GCC2: variants seen among roughly 807,000 people sequenced by gnomAD.
GCC2 encodes the protein GRIP and coiled-coil domain containing 2, also known as GRIP and coiled-coil domain-containing protein 2.
A neutral mutation model predicts 210.6 loss-of-function variants in GCC2; 120 were observed. The observed-to-expected ratio is 0.57, with a 90% CI of 0.49 to 0.66. The LOEUF is 0.66. Among genes scored for constraint, GCC2 ranks in the 30% least tolerant of loss-of-function variants. The pLI is 0.00. For synonymous variants in GCC2, 703 were observed against 652.7 expected (o/e 1.08, Z -1.17); for missense variants, 1,868 against 1,871.9 (o/e 1.00, Z 0.04).
intron 4 of GCC2, 26 bp from the exon 5 acceptor site, chr2:108,468,954 G>A: frequency 6.8e-7 from 1 of 1,473,620 alleles, no homozygotes; most frequent in Non-Finnish European, 9.5e-7. Context: ...TTTAACCCCA[G>A]GCAAATAAAT....
Position 108,481,819 on chromosome 2 carries a change from A to G in GCC2, c.3180+3A>G, listed in dbSNP as rs1339725523. On this transcript the variant is annotated splice_donor_region_variant and intron_variant, in intron 10 of 22. Coordinates refer to ENST00000309863, the MANE Select transcript of GCC2 (RefSeq NM_181453.4). ...AATTAAGAAATTCGACTTTGCAGGT[A>G]ATTTTTTAATAAATCCAAAAATGAA... 3 of 1,548,498 alleles carry G rather than the reference A, an allele frequency of 1.9e-6. No individual in the cohort carries two copies. Among genetic ancestry groups the G allele is most frequent in the Non-Finnish European group, 2.6e-6 (3 of 1,149,592 alleles).
Position 108,507,625 on chromosome 2 carries a change from C to T in GCC2, c.5050C>T (p.Arg1684Ter), listed in dbSNP as rs185024170. The T allele has an allele frequency of 3.8e-5, 60 of 1,575,356 alleles. No homozygotes were observed. In the African/African-American group the frequency reaches 4.4e-4, roughly 11 times the overall value. ...CTATCTTCATAGTTGGTCTGGACTT[C>T]GATAGGTTGATGGAAGGAATATTTT... ...ASYLHSWSGL[R>*] The change falls in exon 23 of 23, where the codon CGA becomes TGA. Residue 1684 changes from arginine (R) to a stop codon, truncating the protein, a stop_gained. Coordinates refer to ENST00000309863, the MANE Select transcript of GCC2 (RefSeq NM_181453.4). LOFTEE classifies it high-confidence loss of function.
Position 108,451,117 on chromosome 2 carries a change from T to C in GCC2, c.148+5T>C. The C allele has an allele frequency of 6.4e-7, 1 of 1,569,186 alleles. No homozygotes were observed. The highest frequency in any genetic ancestry group is 1.1e-5 in the South Asian group (1 of 88,894). On this transcript the variant is annotated splice_donor_5th_base_variant and intron_variant, in intron 3 of 22. Transcript: ENST00000309863. ...AAGCTAAATCAAGGTGTACAGGTAT[T>C]GGGTTGAAAATACTCATCTTGATCA...
intron 22 of GCC2, among the ~76,000 whole-genome samples, chr2:108,504,635 T>C (rs900923375): frequency 6.6e-6 from 1 of 152,196 alleles, no homozygotes; most frequent in Admixed American, 6.5e-5. Context: ...ATTGAGTGTT[T>C]CATTTCTATT....
Position 108,452,383 on chromosome 2 carries a change from T to C in GCC2, c.149-16T>C, listed in dbSNP as rs773062256. The C allele has an allele frequency of 7.3e-7, 1 of 1,377,728 alleles. No individual in the cohort carries two copies. The highest frequency in any genetic ancestry group is 1.2e-5 in the South Asian group (1 of 85,198). 85.3% of individuals were successfully genotyped at this position (1,377,728 alleles called of 1,614,324 possible). On this transcript the variant is annotated splice_polypyrimidine_tract_variant and intron_variant, in intron 3 of 22. Coordinates refer to ENST00000309863, the MANE Select transcript of GCC2 (RefSeq NM_181453.4). Reference sequence around the variant, plus strand: ...TTTATTTCTGAACCGGAGTCCTTTATTTTTTAATTGTTTAGAATTGGAGAA... The same window carrying C: ...TTTATTTCTGAACCGGAGTCCTTTACTTTTTAATTGTTTAGAATTGGAGAA...
intron 22 of GCC2, among the ~76,000 whole-genome samples, chr2:108,504,133 TAAG>T (rs1472114499): frequency 5.9e-5 from 9 of 152,100 alleles, no homozygotes; most frequent in Non-Finnish European, 1.2e-4. Context: ...AAAAAAAAAT[TAAG>T]AAATAAAAAT....
Position 108,470,310 on chromosome 2 carries a change from A to T in GCC2, c.981A>T (p.Glu327Asp). ...SILLQENTFV[E>D]QVVNEKVKHL... ...TCTTGCAAGAAAATACATTTGTAGA[A>T]CAAGTAGTAAATGAAAAAGTCAAAC... Residue 327 changes from glutamate (E) to aspartate (D), a missense_variant, in exon 6 of 23, where the codon GAA becomes GAT. This residue lies in a region of GCC2 where 1,847 missense variants were observed against 1,765.2 expected (regional missense o/e 1.05). Coordinates refer to ENST00000309863, the MANE Select transcript of GCC2 (RefSeq NM_181453.4). 1 of 1,612,644 alleles carries T rather than the reference A, an allele frequency of 6.2e-7. No homozygotes were observed. Among genetic ancestry groups the T allele is most frequent in the Non-Finnish European group, 8.5e-7 (1 of 1,179,360 alleles).
In GCC2 at chr2:108,481,758, A is replaced by T; in HGVS notation, c.3122A>T (p.Asn1041Ile). 6.2e-7 allele frequency: 1 copy of T among 1,604,630 alleles called. No homozygotes were observed. The highest frequency in any genetic ancestry group is 8.5e-7 in the Non-Finnish European group (1 of 1,174,504). ...EQLDVEKERA[N>I]NFEHRIEDLT... ...CTGGATGTGGAAAAAGAACGTGCTA[A>T]TAATTTTGAGCATCGTATTGAAGAC... The change falls in exon 10 of 23, where the codon AAT becomes ATT. Residue 1041 changes from asparagine (N) to isoleucine (I), a missense_variant. Coordinates refer to ENST00000309863, the MANE Select transcript of GCC2 (RefSeq NM_181453.4).
At chr2:108,469,123 C>A in intron 5 of GCC2, 39 bp downstream of exon 5, 1 of 1,192,778 alleles carries the variant, frequency 8.4e-7, no homozygotes, top group Non-Finnish European at 1.2e-6. Flanking sequence ...TTTTTATTAA[C>A]ATATAGTGTA....
rs1176838193 is a variant in GCC2, at chr2:108,508,055, T to A, written c.*425T>A. The A allele has an allele frequency of 2.2e-5, 3 of 134,222 alleles. No individual in the cohort carries two copies. Among genetic ancestry groups the A allele is most frequent in the Non-Finnish European group, 4.9e-5 (3 of 61,222 alleles). The allele number at this position is 134,222 out of a possible 1,614,324, so 8.3% of individuals were successfully genotyped here. On this transcript the variant is annotated 3_prime_UTR_variant, in exon 23 of 23. Transcript: ENST00000309863. ...GATTCATGCCTGAAATCCCACTACT[T>A]TGGGAGGCTGAGGCTGGAGAATTGC...
chr2:108,479,123 C>T (rs1200186837), intron 9 of GCC2, among the ~76,000 whole-genome samples: 2 of 151,948 alleles, frequency 1.3e-5, no homozygotes, highest in Admixed American at 6.6e-5. Flanking sequence ...GAGATCACGC[C>T]ACTGCACTCC....
intron 9 of GCC2, among the ~76,000 whole-genome samples, chr2:108,480,581 T>C (rs894658841): frequency 6.6e-6 from 1 of 152,070 alleles, no homozygotes; most frequent in Non-Finnish European, 1.5e-5. Context: ...AAAAAAAATA[T>C]GAGATTATGT....
intron 4 of GCC2, among the ~76,000 whole-genome samples, chr2:108,453,646 G>A (rs898799090): frequency 1.3e-5 from 2 of 151,978 alleles, no homozygotes; most frequent in Non-Finnish European, 2.9e-5. Flanking sequence ...TTAGCTGGGC[G>A]TGATTGCCCA....
intron 9 of GCC2, among the ~76,000 whole-genome samples, chr2:108,481,088 C>T (rs1681828617): frequency 6.6e-6 from 1 of 152,138 alleles, no homozygotes; most frequent in African/African-American, 2.4e-5. Flanking sequence ...GGTGGATAAC[C>T]TAATTAGCTT....
At chr2:108,495,606 A>G (rs1198497890) in intron 20 of GCC2, 121 bp downstream of exon 20, 9 of 567,712 alleles carry the variant, frequency 1.6e-5, no homozygotes, top group Non-Finnish European at 2.2e-5. Context: ...TCAATATTCC[A>G]CTACCTGTTT....
rs184349414 is a variant in GCC2 at position 108,484,400 on chromosome 2, T to A, written c.3613+89T>A. 3,205 of 698,628 alleles carry A rather than the reference T, an allele frequency of 4.6e-3. 18 individuals are homozygous for A. The highest frequency in any genetic ancestry group is 0.019 in the Middle Eastern group (47 of 2,422). 43.3% of individuals were successfully genotyped at this position (698,628 alleles called of 1,614,324 possible). ...GGGCATTACTTGTTTATTTCACCAG[T>A]CTTTCACTGTCAGTCAGGTGTTTAA... On this transcript the variant is annotated intron_variant, in intron 13 of 22. Transcript: ENST00000309863.
Position 108,485,654 on chromosome 2 carries a change from T to A in GCC2, c.3632T>A (p.Val1211Glu). The change falls in exon 14 of 23, where the codon GTA (valine) becomes GAA (glutamate). Residue 1211 changes from valine (V) to glutamate (E), a missense_variant. This residue lies in a region of GCC2 where 1,847 missense variants were observed against 1,765.2 expected (regional missense o/e 1.05). Coordinates refer to ENST00000309863, the MANE Select transcript of GCC2 (RefSeq NM_181453.4). ...QEEITSLQSS[V>E]QQYEEKNTKI... ...GTGCTAGCTTCATTACAGTCTTCAGTACAACAATATGAAGAAAAAAACACC... is the reference window on the plus strand; with the variant it reads ...GTGCTAGCTTCATTACAGTCTTCAGAACAACAATATGAAGAAAAAAACACC... 1 of 1,571,950 alleles carries A rather than the reference T, an allele frequency of 6.4e-7. No individual in the cohort carries two copies. The highest frequency in any genetic ancestry group is 8.6e-7 in the Non-Finnish European group (1 of 1,157,062).
Position 108,486,572 on chromosome 2 carries a change from C to CGG in GCC2, c.3855_3856dup (p.Glu1286GlyfsTer8). On this transcript the variant is annotated frameshift_variant, in exon 16 of 23. Coordinates refer to ENST00000309863, the MANE Select transcript of GCC2 (RefSeq NM_181453.4). LOFTEE classifies it high-confidence loss of function. ...ATCCACGAGCACCTGAAAACCTCTG[C>CGG]GGAACAGCACCAGCGTACGCTAAGT... is the stretch of plus-strand genomic sequence containing the variant. 1 of 1,614,006 alleles carries CGG rather than the reference C, an allele frequency of 6.2e-7. No individual in the cohort carries two copies. The highest frequency in any genetic ancestry group is 8.5e-7 in the Non-Finnish European group (1 of 1,179,862).
At chr2:108,453,079 T>C (rs986854063) in intron 4 of GCC2, among the ~76,000 whole-genome samples, 4 of 152,248 alleles carry the variant, frequency 2.6e-5, no homozygotes, top group African/African-American at 4.8e-5. Flanking sequence ...TAAGTGATTT[T>C]AGGTGTACAG....
Sources: allele counts gnomAD v4.1 joint callset (sites outside exome capture counted in the v4.1 genomes callset), GRCh38; gene constraint gnomAD v4.1.1; regional missense constraint gnomAD v4.1.1; transcripts MANE v1.5; gene names NCBI Gene and HGNC (gene_info 2026-07-23, HGNC 2026-07-21).